The following SPATA1 variants were observed in gnomAD, a reference collection of about 807,000 sequenced individuals.
SPATA1 encodes the protein spermatogenesis-associated protein 1.
In SPATA1, 57 loss-of-function variants were observed where a neutral mutation model predicts 59.6. That is an observed-to-expected ratio of 0.96 (90% CI 0.77 to 1.19). The LOEUF is 1.19. SPATA1 is among the 50% of genes most tolerant of loss of function. SPATA1 has a pLI of 0.00. For missense variants in SPATA1, 448 were observed against 480.7 expected, an observed-to-expected ratio of 0.93 and a Z score of 0.64; for synonymous variants, 147 against 163.9, an observed-to-expected ratio of 0.90 and a Z score of 0.79.
intron 1 of SPATA1, chr1:84,507,139 A>C (rs1252142466): frequency 6.6e-6 from 1 of 152,128 alleles, no homozygotes; most frequent in Non-Finnish European, 1.5e-5. Flanking sequence ...ATCCACGGAA[A>C]TATGTGTGTT....
At chr1:84,548,753 T>A in intron 10 of SPATA1, 33 bp from the exon 11 acceptor site, 1 of 96,556 alleles carries the variant, frequency 1.0e-5, no homozygotes, top group Middle Eastern at 2.6e-3. Context: ...GCCTTTCCTT[T>A]TTTTTTTTTT....
chr1:84,528,320 T>C (rs1258926704), intron 6 of SPATA1, among the ~76,000 whole-genome samples: 2 of 152,234 alleles, frequency 1.3e-5, no homozygotes, highest in African/African-American at 2.4e-5. Flanking sequence ...TTTCTCTTTA[T>C]TGCTGGTAGT....
intron 1 of SPATA1, among the ~76,000 whole-genome samples, chr1:84,514,276 G>T (rs1175195908): frequency 6.6e-6 from 1 of 152,118 alleles, no homozygotes; most frequent in Non-Finnish European, 1.5e-5. Flanking sequence ...CCAGGATTTG[G>T]TCTCCAGCAT....
At chr1:84,563,529 G>A (rs1324901016) in intron 4 of SPATA1, 2 of 790,392 alleles carry the variant, frequency 2.5e-6, no homozygotes, top group African/African-American at 1.8e-5. Context: ...TAGAAAACCT[G>A]ACTATACAGA....
chr1:84,509,691 G>A (rs148921217), intron 1 of SPATA1, among the ~76,000 whole-genome samples: 2 of 152,276 alleles, frequency 1.3e-5, no homozygotes, highest in African/African-American at 2.4e-5. Context: ...ACTTGAATCC[G>A]GGAGGCAGAG....
At chr1:84,552,408 G>A (rs1414645846) in intron 12 of SPATA1, 1 of 152,082 alleles carries the variant, frequency 6.6e-6, no homozygotes, top group Non-Finnish European at 1.5e-5. Context: ...AATAGTAAGG[G>A]CTCTGGTACC....
downstream of SPATA1, chr1:84,555,229 A>C: frequency 6.5e-7 from 1 of 1,540,822 alleles, no homozygotes; most frequent in Non-Finnish European, 8.9e-7. Flanking sequence ...TGGAGATTTT[A>C]AAGTATTTAG....
In SPATA1 at chr1:84,563,384, C is replaced by T. The variant is rs148118320; in HGVS notation, n.443-2477C>T. 118 of 1,574,832 alleles carry T rather than the reference C, an allele frequency of 7.5e-5. No individual in the cohort carries two copies. The highest frequency in any genetic ancestry group is 6.6e-4 in the African/African-American group (48 of 72,678). ...TGCAGCGTCACTACAAGGAGCCCCC[C>T]GGAAAGGGACTTTTGCAATGGTACA... On this transcript the variant is annotated intron_variant and non_coding_transcript_variant, in intron 4 of 4. Coordinates refer to the SPATA1 transcript ENST00000460286.
intron 3 of SPATA1, among the ~76,000 whole-genome samples, chr1:84,521,721 T>C (rs1683034844): frequency 6.6e-6 from 1 of 152,192 alleles, no homozygotes; most frequent in African/African-American, 2.4e-5. Context: ...ATCCCACCAC[T>C]AGATTATATG....
intron 8 of SPATA1, among the ~76,000 whole-genome samples, chr1:84,541,066 T>A (rs1683882967): frequency 6.6e-6 from 1 of 152,236 alleles, no homozygotes; most frequent in South Asian, 2.1e-4. Flanking sequence ...GCTTTATATG[T>A]TACTATTTAG....
chr1:84,561,631 AT>A (rs1684595563), intron 4 of SPATA1, among the ~76,000 whole-genome samples: 2 of 152,196 alleles, frequency 1.3e-5, no homozygotes, highest in Admixed American at 6.5e-5. Context: ...GGAAGAGTCA[AT>A]TGACGTGGCA....
chr1:84,511,629 T>G (rs966744052), intron 1 of SPATA1, among the ~76,000 whole-genome samples: 1 of 151,704 alleles, frequency 6.6e-6, no homozygotes, highest in Non-Finnish European at 1.5e-5. Context: ...GTTTGTGGAT[T>G]CTGGAGTGCC....
chr1:84,516,160 A>C, intron 1 of SPATA1, 63 bp from the exon 2 acceptor site: 1 of 494,754 alleles, frequency 2.0e-6, no homozygotes, highest in East Asian at 3.6e-5. Flanking sequence ...TATATGTCTA[A>C]GTTTTCATTT....
At chr1:84,542,028 G>A (rs1487469330) in intron 8 of SPATA1, among the ~76,000 whole-genome samples, 1 of 152,048 alleles carries the variant, frequency 6.6e-6, no homozygotes, top group Non-Finnish European at 1.5e-5. Flanking sequence ...TGACTGCAAT[G>A]GCACGATCTC....
At chr1:84,563,739 G>A (rs1684637216) in intron 4 of SPATA1, 1 of 1,577,774 alleles carries the variant, frequency 6.3e-7, no homozygotes, top group Non-Finnish European at 8.6e-7. Flanking sequence ...TCCTACCTCA[G>A]ACAGATTCAG....
chr1:84,523,577 T>C (rs1306152057), intron 4 of SPATA1, among the ~76,000 whole-genome samples: 1 of 152,170 alleles, frequency 6.6e-6, no homozygotes, highest in Non-Finnish European at 1.5e-5. Flanking sequence ...GCACTAGAGG[T>C]GTTTAAATGT....
chr1:84,522,562 A>G, intron 4 of SPATA1, 55 bp downstream of exon 4: 1 of 885,938 alleles, frequency 1.1e-6, no homozygotes, highest in Non-Finnish European at 1.7e-6. Flanking sequence ...TTCTCAAATT[A>G]CATTTCTTAA....
rs1682984091 is a variant in SPATA1 at position 84,520,582 on chromosome 1, C to G, written c.37-3C>G. 2 of 1,488,408 alleles carry G rather than the reference C, an allele frequency of 1.3e-6. No homozygotes were observed. Among genetic ancestry groups the G allele is most frequent in the Non-Finnish European group, 1.8e-6 (2 of 1,108,080 alleles). 92.2% of individuals were successfully genotyped at this position (1,488,408 alleles called of 1,614,324 possible). On this transcript the variant is annotated splice_polypyrimidine_tract_variant and splice_region_variant and intron_variant, in intron 2 of 12. Coordinates refer to ENST00000490879, the Ensembl canonical transcript of SPATA1. ...TAACCGATGTTCTTCTCAATTTATT[C>G]AGTTGGTGGAACTTCATGTTTTTTA...
chr1:84,534,110 A>T (rs1273738318), intron 8 of SPATA1, among the ~76,000 whole-genome samples: 1 of 152,082 alleles, frequency 6.6e-6, no homozygotes, highest in Non-Finnish European at 1.5e-5. Context: ...TCTCTTTAGA[A>T]CAGAATTATA....
Sources: allele counts gnomAD v4.1 joint callset (sites outside exome capture counted in the v4.1 genomes callset), GRCh38; gene constraint gnomAD v4.1.1; transcripts MANE v1.5; gene names NCBI Gene and HGNC (gene_info 2026-07-23, HGNC 2026-07-21).